Variants in COG5 observed in about 807,000 individuals in gnomAD.
The protein encoded by COG5 is component of oligomeric golgi complex 5.
COG5 carries 86 observed loss-of-function variants against 110.4 expected under a neutral mutation model. The observed-to-expected ratio is 0.78, with a 90% CI of 0.65 to 0.93. COG5 has a LOEUF of 0.93. COG5 is among the 40% of genes least tolerant of loss of function. The pLI, the probability that COG5 is intolerant of heterozygous loss-of-function variation, is 0.00. For synonymous variants in COG5, 360 were observed against 334.6 expected (o/e 1.08, Z -0.83); for missense variants, 1,077 against 987.0 (o/e 1.09, Z -1.22).
At chr7:107,420,500 G>A (rs990335899) in intron 6 of COG5, among the ~76,000 whole-genome samples, 26 of 152,198 alleles carry the variant, frequency 1.7e-4, no homozygotes, top group South Asian at 6.2e-4. Flanking sequence ...TTGCTCTGTC[G>A]CTCAGGCTGG....
At chr7:107,548,224 A>C (rs369700627) in intron 4 of COG5, 44 bp from the exon 5 acceptor site, 2 of 1,603,696 alleles carry the variant, frequency 1.2e-6, no homozygotes, top group African/African-American at 2.7e-5. Flanking sequence ...TTTTCAGAAT[A>C]TCAATGGATA....
intron 6 of COG5, among the ~76,000 whole-genome samples, chr7:107,467,629 G>C (rs1031096639): frequency 6.6e-6 from 1 of 152,162 alleles, no homozygotes; most frequent in African/African-American, 2.4e-5. Flanking sequence ...TGGGATTACA[G>C]GTGAGAGCCA....
intron 19 of COG5, among the ~76,000 whole-genome samples, chr7:107,222,062 A>C (rs1374465948): frequency 2.0e-5 from 3 of 152,176 alleles, no homozygotes. Context: ...GAGGGAAACA[A>C]CCTGAACAGT....
chr7:107,390,533 A>G (rs1563006032), intron 7 of COG5, among the ~76,000 whole-genome samples: 2 of 152,140 alleles, frequency 1.3e-5, no homozygotes, highest in East Asian at 1.9e-4. Context: ...GAGGTGAAAC[A>G]ACACCTCTGG....
At chr7:107,424,367 A>T (rs1368327304) in intron 6 of COG5, among the ~76,000 whole-genome samples, 1 of 152,058 alleles carries the variant, frequency 6.6e-6, no homozygotes, top group Non-Finnish European at 1.5e-5. Context: ...TTTCACATGG[A>T]AACTTTTGGG....
chr7:107,218,680 T>C lies in COG5; in HGVS notation c.2169-7455A>G, dbSNP rs190443645. ...AAGAATAATTTGGACCCTTAGGTCA[T>C]ACCATATAAAAAATCAATTCAAAAA... On this transcript the variant is annotated intron_variant, in intron 19 of 21. Transcript: ENST00000297135. 9.9e-5 allele frequency among the ~76,000 whole-genome samples: 15 copies of C among 152,162 alleles called. No homozygotes were observed. The East Asian group carries it at 2.9e-3, about 29-fold the overall frequency.
Position 107,270,882 on chromosome 7 carries a change from C to CTTTTTTTTT in COG5, c.1575+10409_1575+10417dup, listed in dbSNP as rs56971368. Among the ~76,000 whole-genome samples the CTTTTTTTTT allele has an allele frequency of 2.1e-3, 146 of 68,748 alleles. 23 individuals are homozygous for CTTTTTTTTT. Among genetic ancestry groups the CTTTTTTTTT allele is most frequent in the Non-Finnish European group, 2.6e-3 (100 of 38,998 alleles). The allele number at this position is 68,748 out of a possible 152,430, so 45.1% of individuals were successfully genotyped here. Reference sequence around the variant, plus strand: ...TTATACTTCATTATCCTAACTAGAACTTTTTTTTTTTTTTTTTTTTTTTTT... The same window carrying CTTTTTTTTT: ...TTATACTTCATTATCCTAACTAGAACTTTTTTTTTTTTTTTTTTTTTTTTTTTTTTTTTT... On this transcript the variant is annotated intron_variant, in intron 14 of 21. Coordinates refer to ENST00000297135, the MANE Select transcript of COG5 (RefSeq NM_006348.5).
intron 6 of COG5, among the ~76,000 whole-genome samples, chr7:107,525,864 T>C (rs1467574897): frequency 6.6e-6 from 1 of 152,148 alleles, no homozygotes; most frequent in Admixed American, 6.6e-5. Flanking sequence ...GGCCTCCAGG[T>C]ACCAGCCACC....
At chr7:107,345,473 C>A (rs1479052436) in intron 10 of COG5, among the ~76,000 whole-genome samples, 1 of 151,772 alleles carries the variant, frequency 6.6e-6, no homozygotes, top group African/African-American at 2.4e-5. Flanking sequence ...ACAAGGTATG[C>A]CTATACTGTA....
intron 1 of COG5, among the ~76,000 whole-genome samples, chr7:107,562,720 A>G (rs1014685080): frequency 2.0e-5 from 3 of 152,258 alleles, no homozygotes; most frequent in Non-Finnish European, 2.9e-5. Context: ...TGCTTTTGAC[A>G]AAAGTACATA....
At chr7:107,277,897 G>A (rs1164330918) in intron 14 of COG5, among the ~76,000 whole-genome samples, 1 of 152,048 alleles carries the variant, frequency 6.6e-6, no homozygotes, top group Admixed American at 6.5e-5. Flanking sequence ...AATAATTTCA[G>A]ATGTATTATT....
At chr7:107,554,499 G>C (rs1396102894) in intron 2 of COG5, among the ~76,000 whole-genome samples, 157 bp from the exon 3 acceptor site, 14 of 152,212 alleles carry the variant, frequency 9.2e-5, no homozygotes, top group Non-Finnish European at 1.5e-5. Context: ...GAGATGAGTT[G>C]TAAGCGGGAA....
chr7:107,266,184 C>A (rs746997105), intron 14 of COG5, among the ~76,000 whole-genome samples: 15 of 152,120 alleles, frequency 9.9e-5, no homozygotes, highest in Non-Finnish European at 1.8e-4. Context: ...AAGGACAAAT[C>A]TGTAGGTTTA....
chr7:107,354,418 C>G (rs911504720), intron 10 of COG5, among the ~76,000 whole-genome samples: 6 of 152,174 alleles, frequency 3.9e-5, no homozygotes, highest in Non-Finnish European at 7.3e-5. Flanking sequence ...GTGGCTCATG[C>G]CTATAATCCC....
At chr7:107,488,387 T>G (rs1211875688) in intron 6 of COG5, among the ~76,000 whole-genome samples, 1 of 152,180 alleles carries the variant, frequency 6.6e-6, no homozygotes, top group Admixed American at 6.5e-5. Context: ...AGATTGAGAC[T>G]AAGTTGTTGA....
chr7:107,433,509 G>C (rs185024051), intron 6 of COG5, among the ~76,000 whole-genome samples: 7 of 152,302 alleles, frequency 4.6e-5, no homozygotes, highest in Non-Finnish European at 1.0e-4. Flanking sequence ...AGAGAGCCCA[G>C]ATATAAACCT....
intron 1 of COG5, among the ~76,000 whole-genome samples, chr7:107,563,285 T>C (rs2129183454): frequency 6.6e-6 from 1 of 151,810 alleles, no homozygotes; most frequent in Non-Finnish European, 1.5e-5. Context: ...TGTAGATAAC[T>C]GCCTCATAAA....
chr7:107,397,842 C>T (rs1791125602), intron 7 of COG5, among the ~76,000 whole-genome samples: 1 of 151,672 alleles, frequency 6.6e-6, no homozygotes, highest in Admixed American at 6.6e-5. Context: ...ATATTAAAAC[C>T]ATTATGGGAA....
In COG5 at chr7:107,372,753, G is replaced by A. The variant is rs981780341; in HGVS notation, c.677C>T (p.Thr226Ile). The A allele has an allele frequency of 6.2e-7, 1 of 1,613,268 alleles. No individual in the cohort carries two copies. Among genetic ancestry groups the A allele is most frequent in the East Asian group, 2.2e-5 (1 of 44,792 alleles). ...LEQGLETQNPTQVGTALQVFY... is the reference protein window; with the variant it reads ...LEQGLETQNPIQVGTALQVFY... ...AACCTGAAGAGCTGTTCCGACTTGA[G>A]TTGGATTCTTAAAAAAAGGTGGGGT... The change falls in exon 8 of 22, where the codon ACT becomes ATT. Residue 226 changes from threonine to isoleucine, a missense_variant. Thr to Ile is a moderately conservative substitution (Grantham distance 89, BLOSUM62 -1). Coordinates refer to ENST00000297135, the MANE Select transcript of COG5 (RefSeq NM_006348.5).
Sources: gnomAD v4.1 joint callset for allele counts (sites outside exome capture counted in the v4.1 genomes callset) on GRCh38, gnomAD v4.1.1 for gene constraint, MANE v1.5 for transcripts, NCBI Gene and HGNC (gene_info 2026-07-23, HGNC 2026-07-21) for gene names.